The following RPS6KA3 variants were observed in gnomAD, a reference collection of about 807,000 sequenced individuals.
RPS6KA3 encodes the protein ribosomal protein S6 kinase A3.
Under a neutral mutation model 67.2 loss-of-function variants are expected in RPS6KA3, and 4 were observed. That is an observed-to-expected ratio of 0.06 (90% CI 0.03 to 0.14). The LOEUF (loss-of-function observed/expected upper bound fraction) is 0.14, where lower values mean the gene tolerates loss of function less well. RPS6KA3 is among the 10% of genes least tolerant of loss of function. The pLI, the probability that RPS6KA3 is intolerant of heterozygous loss-of-function variation, is 1.00. For missense variants in RPS6KA3, 204 were observed against 559.0 expected (o/e 0.36, Z 6.40); for synonymous variants, 182 against 183.7 (o/e 0.99, Z 0.07).
rs913237806 is a variant in RPS6KA3, at chrX:20,152,989, A to G, written c.*2409T>C. ...GAGAAGTTAAGGATTCTAGACTTTG[A>G]TATGTGTCTCAGGTTCTCTACATGC... On this transcript the variant is annotated 3_prime_UTR_variant, in exon 22 of 22. Transcript: ENST00000379565. The G allele has an allele frequency of 1.8e-5, 2 of 111,740 alleles. No individual in the cohort carries two copies. The highest frequency in any genetic ancestry group is 3.8e-5 in the Non-Finnish European group (2 of 53,149). 9.2% of individuals were successfully genotyped at this position (111,740 alleles called of 1,213,427 possible). A position where few individuals can be genotyped will look rare whatever the true frequency, so the allele number is the denominator to read the frequency against.
intron 18 of RPS6KA3, among the ~76,000 whole-genome samples, chrX:20,163,478 A>C (rs1431301106): frequency 3.0e-5 from 2 of 67,408 alleles, no homozygotes; most frequent in African/African-American, 1.2e-4. Flanking sequence ...TTCCCCCCCA[A>C]AAAAAAATCT....
chrX:20,248,246 C>T lies in RPS6KA3; in HGVS notation c.70-13432G>A, dbSNP rs1020672300. Among the ~76,000 whole-genome samples the T allele has an allele frequency of 5.4e-5, 6 of 111,751 alleles. No individual in the cohort carries two copies. In the East Asian group the frequency reaches 1.7e-3, roughly 31 times the overall value. The stretch of plus-strand genomic sequence containing the variant: ...GAATAATCTTTTATCTTTTTGAATA[C>T]TCTTTGATTTTCTTATTTAATTGCA... On this transcript the variant is annotated intron_variant, in intron 1 of 21. Transcript: ENST00000379565.
chrX:20,163,668 T>C (rs1036155070), intron 18 of RPS6KA3, among the ~76,000 whole-genome samples: 1 of 109,341 alleles, frequency 9.1e-6, no homozygotes, highest in African/African-American at 3.3e-5. Flanking sequence ...AAGACCTCTT[T>C]ATTATTATTA....
chrX:20,225,230 GT>G lies in RPS6KA3; in HGVS notation c.126+9527del, dbSNP rs113509516. Among the ~76,000 whole-genome samples the G allele has an allele frequency of 4.0e-3, 351 of 88,234 alleles. 3 individuals are homozygous for G. Among genetic ancestry groups the G allele is most frequent in the African/African-American group, 0.014 (315 of 23,278 alleles). The allele number at this position is 88,234 out of a possible 115,157, so 76.6% of individuals were successfully genotyped here. ...AGGTAAGCCATGATAAAAAGGGGAGGTTTTTTTTTTTTGTTTTTTTTTTTGT... is the reference window on the plus strand; with the variant it reads ...AGGTAAGCCATGATAAAAAGGGGAGGTTTTTTTTTTTGTTTTTTTTTTTGT... On this transcript the variant is annotated intron_variant, in intron 2 of 21. Transcript: ENST00000379565.
chrX:20,184,971 A>T (rs1375018306), intron 10 of RPS6KA3, among the ~76,000 whole-genome samples: 1 of 110,189 alleles, frequency 9.1e-6, no homozygotes, highest in Non-Finnish European at 1.9e-5. Context: ...TTGAGATGAA[A>T]TTTCACTCTT....
chrX:20,249,025 T>C (rs1857924542), intron 1 of RPS6KA3, among the ~76,000 whole-genome samples: 2 of 112,226 alleles, frequency 1.8e-5, no homozygotes, highest in African/African-American at 6.5e-5. Flanking sequence ...CAGTAATCTC[T>C]TCTCCATTGC....
At position 20,173,994 on chromosome X, in the gene RPS6KA3, G is replaced by A. The variant is rs1198315640; in HGVS notation, c.1228-1123C>T. On this transcript the variant is annotated intron_variant, in intron 14 of 21. Transcript: ENST00000379565. ...GGCAAAGGTTGACAAACTATGGCCA[G>A]TGAGCCAAATCTGATTCATTGCCTG... 5.3e-5 allele frequency among the ~76,000 whole-genome samples: 6 copies of A among 112,516 alleles called. No homozygotes were observed. In the East Asian group the frequency reaches 1.7e-3, roughly 31 times the overall value.
intron 14 of RPS6KA3, among the ~76,000 whole-genome samples, chrX:20,173,339 T>C (rs1005304467): frequency 8.9e-6 from 1 of 112,303 alleles, no homozygotes; most frequent in Non-Finnish European, 1.9e-5. Context: ...CTGTATTTTC[T>C]CAGAGGGTAA....
chrX:20,233,621 T>C (rs752075960), intron 2 of RPS6KA3, among the ~76,000 whole-genome samples: 1 of 109,402 alleles, frequency 9.1e-6, no homozygotes, highest in Non-Finnish European at 1.9e-5. Flanking sequence ...TGTCGTGGCA[T>C]GTGCCTGTAG....
chrX:20,198,731 A>G (rs1208501566), intron 4 of RPS6KA3, among the ~76,000 whole-genome samples: 4 of 112,264 alleles, frequency 3.6e-5, no homozygotes, highest in Non-Finnish European at 7.5e-5. Context: ...TTGAGACCTT[A>G]TATGTATGGA....
chrX:20,189,707 T>G (rs774859839), intron 7 of RPS6KA3, among the ~76,000 whole-genome samples: 2 of 112,534 alleles, frequency 1.8e-5, no homozygotes, highest in Non-Finnish European at 3.8e-5. Context: ...AGCAATAAAC[T>G]GTTTCACTTA....
intron 2 of RPS6KA3, among the ~76,000 whole-genome samples, chrX:20,209,640 C>T (rs1001321733): frequency 1.3e-4 from 15 of 111,876 alleles, no homozygotes; most frequent in African/African-American, 4.9e-4. Flanking sequence ...ATTATACCAG[C>T]CTACTACATA....
chrX:20,197,524 T>C lies in RPS6KA3; in HGVS notation c.326-2379A>G, dbSNP rs113600728. 2.3e-3 allele frequency among the ~76,000 whole-genome samples: 255 copies of C among 112,291 alleles called. 2 individuals are homozygous for C. The highest frequency in any genetic ancestry group is 7.9e-3 in the African/African-American group (244 of 30,922). ...CATTTCATTGCTCAGGGATTTCCTG[T>C]TTCCTCCTCTATAAAATGAAGGATT... is the stretch of plus-strand genomic sequence containing the variant. On this transcript the variant is annotated intron_variant, in intron 4 of 21. Transcript: ENST00000379565.
rs762629866 is a variant in RPS6KA3 at position 20,259,918 on chromosome X, C to T, written c.69+6646G>A. Among the ~76,000 whole-genome samples the T allele has an allele frequency of 7.2e-5, 8 of 111,037 alleles. No homozygotes were observed. The East Asian group carries it at 1.7e-3, about 23-fold the overall frequency. Reference sequence around the variant, plus strand: ...TAACATCATATCTCCAGAGACTTTTCGGCTTGAAAAATACTATATATACTA... The same window carrying T: ...TAACATCATATCTCCAGAGACTTTTTGGCTTGAAAAATACTATATATACTA... On this transcript the variant is annotated intron_variant, in intron 1 of 21. Coordinates refer to ENST00000379565, the MANE Select transcript of RPS6KA3 (RefSeq NM_004586.3).
At chrX:20,192,250 C>G (rs1251620603) in intron 7 of RPS6KA3, among the ~76,000 whole-genome samples, 1 of 111,229 alleles carries the variant, frequency 9.0e-6, no homozygotes, top group Non-Finnish European at 1.9e-5. Flanking sequence ...TTCTTGATGA[C>G]TGTTACTATC....
intron 4 of RPS6KA3, among the ~76,000 whole-genome samples, chrX:20,200,802 C>A (rs1056458738): frequency 9.0e-6 from 1 of 110,729 alleles, no homozygotes; most frequent in Non-Finnish European, 1.9e-5. Flanking sequence ...CCGCTTTAGC[C>A]CCCCCAGTCA....
rs921453768 is a variant in RPS6KA3, at chrX:20,250,057, G to T, written c.70-15243C>A. ...GCTTTTGTAACTTTGACAAAAATCAGTTGGCTGTACTTACGTGGGTCTATT... is the reference window on the plus strand; with the variant it reads ...GCTTTTGTAACTTTGACAAAAATCATTTGGCTGTACTTACGTGGGTCTATT... On this transcript the variant is annotated intron_variant, in intron 1 of 21. Coordinates refer to ENST00000379565, the MANE Select transcript of RPS6KA3 (RefSeq NM_004586.3). 1.9e-4 allele frequency among the ~76,000 whole-genome samples: 21 copies of T among 112,394 alleles called. 1 individual carries two copies. The highest frequency in any genetic ancestry group is 1.6e-3 in the Admixed American group (17 of 10,644).
chrX:20,188,157 T>G (rs1481777007), intron 8 of RPS6KA3, among the ~76,000 whole-genome samples, 187 bp from the exon 9 acceptor site: 1 of 111,957 alleles, frequency 8.9e-6, no homozygotes, highest in Non-Finnish European at 1.9e-5. Context: ...CACTGTATCC[T>G]CTGCCTCCCG....
chrX:20,167,431 T>A (rs2067468762), intron 17 of RPS6KA3, among the ~76,000 whole-genome samples, 158 bp downstream of exon 17: 2 of 112,065 alleles, frequency 1.8e-5, no homozygotes. Context: ...CACTTCAATC[T>A]CAATAATAAA....
Sources: allele counts gnomAD v4.1 joint callset (sites outside exome capture counted in the v4.1 genomes callset), GRCh38; gene constraint gnomAD v4.1.1; transcripts MANE v1.5; gene names NCBI Gene and HGNC (gene_info 2026-07-23, HGNC 2026-07-21).